NFKBIZ: variants seen among roughly 807,000 people sequenced by gnomAD.
NFKBIZ encodes NF-kappa-B inhibitor zeta.
A neutral mutation model predicts 76.8 loss-of-function variants in NFKBIZ; 19 were observed. That is an observed-to-expected ratio of 0.25 (90% CI 0.17 to 0.36). The LOEUF (loss-of-function observed/expected upper bound fraction) is 0.36, where lower values mean the gene tolerates loss of function less well. NFKBIZ is among the 10% of genes least tolerant of loss of function. The pLI is 1.00. For missense variants in NFKBIZ, 829 were observed against 910.9 expected, an observed-to-expected ratio of 0.91 and a Z score of 1.16; for synonymous variants, 368 against 354.8, an observed-to-expected ratio of 1.04 and a Z score of -0.42.
intron 2 of NFKBIZ, among the ~76,000 whole-genome samples, chr3:101,831,648 C>CT (rs977001967): frequency 4.0e-5 from 6 of 149,316 alleles, no homozygotes; most frequent in Middle Eastern, 3.4e-3. Context: ...TCTCTCCTTT[C>CT]TTTTTTTTTG....
intron 2 of NFKBIZ, among the ~76,000 whole-genome samples, chr3:101,834,664 C>T (rs1315002645): frequency 2.0e-5 from 3 of 152,182 alleles, no homozygotes; most frequent in African/African-American, 7.2e-5. Context: ...CCCGGCCCCT[C>T]CCCTGTCTTT....
intron 1 of NFKBIZ, among the ~76,000 whole-genome samples, 192 bp downstream of exon 1, chr3:101,850,109 C>T (rs181272860): frequency 6.6e-6 from 1 of 152,322 alleles, no homozygotes; most frequent in East Asian, 1.9e-4. Context: ...TTCGCCGGCC[C>T]GCGGAACCGG....
chr3:101,841,351 A>G (rs546565784), intron 2 of NFKBIZ, among the ~76,000 whole-genome samples: 2 of 152,352 alleles, frequency 1.3e-5, no homozygotes, highest in Admixed American at 6.5e-5. Flanking sequence ...TATAAGTGCC[A>G]GTAGAACTGA....
intron 2 of NFKBIZ, among the ~76,000 whole-genome samples, chr3:101,836,209 A>G (rs571212806): frequency 6.6e-6 from 1 of 152,318 alleles, no homozygotes; most frequent in South Asian, 2.1e-4. Context: ...CAGAGCTAGT[A>G]ATAGGAATCA....
At chr3:101,846,601 ATAAT>A (rs1222650629), upstream of NFKBIZ, among the ~76,000 whole-genome samples, 2 of 152,360 alleles carry the variant, frequency 1.3e-5, no homozygotes, top group African/African-American at 2.4e-5. Flanking sequence ...AAATGGGAAG[ATAAT>A]TAATTAAAAC....
chr3:101,857,211 T>G, intron 10 of NFKBIZ, 28 bp downstream of exon 10: 1 of 298,434 alleles, frequency 3.4e-6, no homozygotes, highest in Non-Finnish European at 5.0e-6. Context: ...TGGCCTTCTG[T>G]ACACCCTCTC....
Position 101,849,581 on chromosome 3 carries a change from G to A in NFKBIZ, c.-48G>A, listed in dbSNP as rs765809477. ...AGCCCGGGAGGCAGCCGCGCGCAGC[G>A]AGCCGGTGGCGCAGGTGTCGGGGTC... is the stretch of plus-strand genomic sequence containing the variant. On this transcript the variant is annotated 5_prime_UTR_variant, in exon 1 of 12. Coordinates refer to ENST00000326172, the MANE Select transcript of NFKBIZ (RefSeq NM_031419.4). 2.3e-6 allele frequency: 3 copies of A among 1,296,008 alleles called. No individual in the cohort carries two copies. Among genetic ancestry groups the A allele is most frequent in the East Asian group, 3.1e-5 (1 of 31,782 alleles). 80.3% of individuals were successfully genotyped at this position (1,296,008 alleles called of 1,614,324 possible).
intron 2 of NFKBIZ, among the ~76,000 whole-genome samples, chr3:101,831,274 G>A (rs964298635): frequency 6.6e-6 from 1 of 152,286 alleles, no homozygotes; most frequent in Middle Eastern, 3.4e-3. Context: ...GGCCCCCAAA[G>A]GGCCATAGTA....
chr3:101,847,784 A>G (rs1942873560), upstream of NFKBIZ, among the ~76,000 whole-genome samples: 1 of 152,180 alleles, frequency 6.6e-6, no homozygotes, highest in Non-Finnish European at 1.5e-5. Flanking sequence ...GTATGGCTGT[A>G]TTTACTTTGG....
At chr3:101,834,284 C>T (rs1222380260) in intron 2 of NFKBIZ, among the ~76,000 whole-genome samples, 1 of 152,002 alleles carries the variant, frequency 6.6e-6, no homozygotes, top group Non-Finnish European at 1.5e-5. Flanking sequence ...CTCTCTTTTC[C>T]CTGCCCTGCC....
intron 2 of NFKBIZ, among the ~76,000 whole-genome samples, chr3:101,843,020 TAAAAAA>T (rs35824432): frequency 1.5e-5 from 1 of 66,438 alleles, no homozygotes. Context: ...CTGTATTTTC[TAAAAAA>T]AAAAAAAAAA....
chr3:101,849,465 G>A (rs1357567707), upstream of NFKBIZ: 3 of 526,608 alleles, frequency 5.7e-6, no homozygotes, highest in Non-Finnish European at 8.6e-6. Flanking sequence ...CGGGGAGGTC[G>A]GCGAGCGCTG....
At chr3:101,836,509 A>G (rs1451565600) in intron 2 of NFKBIZ, among the ~76,000 whole-genome samples, 1 of 152,188 alleles carries the variant, frequency 6.6e-6, no homozygotes, top group African/African-American at 2.4e-5. Context: ...AAGGGCATCG[A>G]TGGCCTTTCT....
At chr3:101,847,586 G>T (rs944200794), upstream of NFKBIZ, among the ~76,000 whole-genome samples, 1 of 152,160 alleles carries the variant, frequency 6.6e-6, no homozygotes, top group East Asian at 1.9e-4. Flanking sequence ...ATAGTCTATT[G>T]CTCCTGGTCT....
intron 9 of NFKBIZ, 133 bp from the exon 10 acceptor site, chr3:101,856,940 T>G: frequency 1.5e-6 from 1 of 647,388 alleles, no homozygotes; most frequent in Admixed American, 2.6e-5. Flanking sequence ...AGCAAGGCAT[T>G]TTGGAGAAGG....
intron 11 of NFKBIZ, chr3:101,858,119 G>T (rs947363945): frequency 1.0e-6 from 1 of 979,732 alleles, no homozygotes; most frequent in African/African-American, 1.8e-5. Flanking sequence ...TGTTTTTGAT[G>T]GAACTCTTTT....
chr3:101,843,769 A>G (rs1482924748), intron 2 of NFKBIZ, among the ~76,000 whole-genome samples: 1 of 152,192 alleles, frequency 6.6e-6, no homozygotes, highest in Non-Finnish European at 1.5e-5. Context: ...TGCATTGTTC[A>G]TTTGGAAATT....
intron 2 of NFKBIZ, among the ~76,000 whole-genome samples, chr3:101,838,773 C>T (rs1353183282): frequency 2.0e-5 from 3 of 152,212 alleles, no homozygotes; most frequent in Non-Finnish European, 2.9e-5. Flanking sequence ...GTTTTCCTCA[C>T]TAATTCCAGT....
In NFKBIZ at chr3:101,857,327, C is replaced by T. The variant is rs761023235; in HGVS notation, c.1971C>T (p.Ala657=). ...GCAACACTGCCCTCCATGTTGCTGCCAGCTTGCAGTATCGGTTGACACAAT... is the reference window on the plus strand; with the variant it reads ...GCAACACTGCCCTCCATGTTGCTGCTAGCTTGCAGTATCGGTTGACACAAT... ...YNGNTALHVA[A]SLQYRLTQLD... Residue 657 remains alanine, a synonymous_variant, in exon 11 of 12, where the codon GCC becomes GCT. Coordinates refer to ENST00000326172, the MANE Select transcript of NFKBIZ (RefSeq NM_031419.4). 1.5e-5 allele frequency: 24 copies of T among 1,614,184 alleles called. No individual in the cohort carries two copies. The highest frequency in any genetic ancestry group is 1.9e-5 in the Non-Finnish European group (23 of 1,180,038).
Sources: allele counts gnomAD v4.1 joint callset (sites outside exome capture counted in the v4.1 genomes callset), GRCh38; gene constraint gnomAD v4.1.1; transcripts MANE v1.5; gene names NCBI Gene and HGNC (gene_info 2026-07-23, HGNC 2026-07-21).